The following NTM variants were observed in gnomAD, a reference collection of about 807,000 sequenced individuals.
NTM encodes IgLON family member 2.
A neutral mutation model predicts 42.1 loss-of-function variants in NTM; 13 were observed. The ratio of observed to expected loss-of-function variants is 0.31; its 90% confidence interval spans 0.20 to 0.49. The LOEUF is 0.49. Ranked by LOEUF, NTM falls within the 20% of genes least tolerant of loss-of-function variation. The pLI, the probability that NTM is intolerant of heterozygous loss-of-function variation, is 0.99. For missense variants in NTM, 373 were observed against 452.8 expected, an observed-to-expected ratio of 0.82 and a Z score of 1.60; for synonymous variants, 187 against 179.2, an observed-to-expected ratio of 1.04 and a Z score of -0.35.
intron 1 of NTM, among the ~76,000 whole-genome samples, chr11:131,524,438 G>A (rs1044176719): frequency 1.3e-5 from 2 of 152,192 alleles, no homozygotes; most frequent in Non-Finnish European, 1.5e-5. Flanking sequence ...CTCAGAGAAA[G>A]GGGAAATGTA....
chr11:131,856,586 C>T (rs991913674), intron 1 of NTM, among the ~76,000 whole-genome samples: 2 of 152,138 alleles, frequency 1.3e-5, no homozygotes, highest in East Asian at 1.9e-4. Context: ...AAATGATGAA[C>T]AAAGCAGATT....
chr11:131,879,161 T>A (rs2049064368), intron 1 of NTM, among the ~76,000 whole-genome samples: 1 of 152,162 alleles, frequency 6.6e-6, no homozygotes, highest in African/African-American at 2.4e-5. Flanking sequence ...CTCAGCAAAC[T>A]TCATGTGTAT....
intron 4 of NTM, among the ~76,000 whole-genome samples, chr11:132,256,335 AG>A (rs1273082162): frequency 2.0e-5 from 3 of 152,202 alleles, no homozygotes; most frequent in African/African-American, 7.2e-5. Context: ...CCCATCACCC[AG>A]TGCTTCCCTC....
chr11:132,189,816 C>T (rs1452386521), intron 3 of NTM, among the ~76,000 whole-genome samples: 5 of 152,274 alleles, frequency 3.3e-5, no homozygotes, highest in East Asian at 1.9e-4. Flanking sequence ...GTGTGTGATT[C>T]GGTTTATGCA....
At chr11:131,660,556 G>A (rs1444497928) in intron 1 of NTM, 9 of 457,642 alleles carry the variant, frequency 2.0e-5, no homozygotes, top group South Asian at 1.4e-4. Flanking sequence ...TGAGAAAAGA[G>A]GTGAAAAGCG....
At chr11:131,771,496 C>T (rs2086096395) in intron 1 of NTM, 1 of 152,148 alleles carries the variant, frequency 6.6e-6, no homozygotes. Context: ...CTGATTAAAC[C>T]CAGTAGCAGC....
intron 4 of NTM, among the ~76,000 whole-genome samples, chr11:132,241,648 G>T (rs1056587560): frequency 1.3e-5 from 2 of 152,196 alleles, no homozygotes; most frequent in African/African-American, 4.8e-5. Flanking sequence ...TCTGTAAAAT[G>T]AAGCTGATAA....
chr11:131,698,813 T>A lies in NTM; in HGVS notation c.83-212751T>A, dbSNP rs1175855800. On this transcript the variant is annotated intron_variant, in intron 1 of 8. Coordinates refer to ENST00000683400, the MANE Select transcript of NTM (RefSeq NM_001352005.2). ...GATTTCTTACATTGTAGCCCAGATA[T>A]GATTTGCTGAGGGATATCTGAGAGA... Among the ~76,000 whole-genome samples the A allele has an allele frequency of 2.6e-5, 4 of 152,336 alleles. No individual in the cohort carries two copies. The South Asian group carries it at 8.3e-4, about 32-fold the overall frequency.
chr11:132,294,869 GATGAC>G (rs2094559719), intron 4 of NTM, among the ~76,000 whole-genome samples: 2 of 152,138 alleles, frequency 1.3e-5, no homozygotes, highest in Non-Finnish European at 2.9e-5. Flanking sequence ...CCTAATTGAT[GATGAC>G]ATAAGAAAGC....
chr11:132,259,510 T>C (rs557306411), intron 4 of NTM, among the ~76,000 whole-genome samples: 2 of 151,808 alleles, frequency 1.3e-5, no homozygotes, highest in African/African-American at 4.8e-5. Flanking sequence ...TGAAACACCA[T>C]CTCTACTAAA....
chr11:131,465,600 C>T lies in NTM; in HGVS notation c.82+94712C>T, dbSNP rs547648611. 2.6e-5 allele frequency among the ~76,000 whole-genome samples: 4 copies of T among 152,318 alleles called. No individual in the cohort carries two copies. The East Asian group carries it at 7.7e-4, about 29-fold the overall frequency. On this transcript the variant is annotated intron_variant, in intron 1 of 8. Coordinates refer to ENST00000683400, the MANE Select transcript of NTM (RefSeq NM_001352005.2). The stretch of plus-strand genomic sequence containing the variant: ...AAGCCCCTGGGATCTGTGTACTCCT[C>T]TGAGGTATCCTGCGACCTGTGATTT...
At chr11:131,794,345 C>T (rs2091306138) in intron 1 of NTM, 1 of 290,498 alleles carries the variant, frequency 3.4e-6, no homozygotes, top group Non-Finnish European at 5.1e-6. Context: ...ACAAATCCTT[C>T]AACGCAGTGA....
intron 4 of NTM, among the ~76,000 whole-genome samples, chr11:132,297,579 T>G (rs2094664633): frequency 6.6e-6 from 1 of 152,244 alleles, no homozygotes; most frequent in Admixed American, 6.5e-5. Flanking sequence ...TATCTATTCT[T>G]CAAAAGGATT....
chr11:131,558,855 G>A (rs1592048406), intron 1 of NTM, among the ~76,000 whole-genome samples: 1 of 152,152 alleles, frequency 6.6e-6, no homozygotes, highest in South Asian at 2.1e-4. Flanking sequence ...GTAGGAGATG[G>A]AAGATTGATT....
intron 4 of NTM, among the ~76,000 whole-genome samples, chr11:132,258,610 A>G (rs764662073): frequency 6.6e-6 from 1 of 152,116 alleles, no homozygotes; most frequent in Non-Finnish European, 1.5e-5. Context: ...GTTTGGACCC[A>G]TATAACTTTA....
At chr11:131,959,874 C>T (rs1295952608) in intron 2 of NTM, among the ~76,000 whole-genome samples, 2 of 152,142 alleles carry the variant, frequency 1.3e-5, no homozygotes, top group East Asian at 3.9e-4. Flanking sequence ...AATCATGGTC[C>T]AGGTGAGAAA....
intron 1 of NTM, among the ~76,000 whole-genome samples, chr11:131,419,592 C>G (rs1048784237): frequency 1.3e-5 from 2 of 152,008 alleles, no homozygotes; most frequent in Non-Finnish European, 2.9e-5. Context: ...CTGAAAGAAG[C>G]CATCGTGGCT....
At chr11:131,814,199 C>T (rs1592041622) in intron 1 of NTM, among the ~76,000 whole-genome samples, 1 of 152,190 alleles carries the variant, frequency 6.6e-6, no homozygotes, top group African/African-American at 2.4e-5. Context: ...CACATGGTCC[C>T]TATTCTCTGC....
intron 3 of NTM, among the ~76,000 whole-genome samples, chr11:132,208,246 T>A (rs1182867076): frequency 2.0e-5 from 3 of 152,206 alleles, no homozygotes; most frequent in African/African-American, 7.2e-5. Flanking sequence ...TCAAGTAGTC[T>A]TGAATACTGA....
Sources: gnomAD v4.1 joint callset for allele counts (sites outside exome capture counted in the v4.1 genomes callset) on GRCh38, gnomAD v4.1.1 for gene constraint, MANE v1.5 for transcripts, NCBI Gene and HGNC (gene_info 2026-07-23, HGNC 2026-07-21) for gene names.